Variants in HS3ST4 observed in about 807,000 individuals in gnomAD.
The protein encoded by HS3ST4 is heparan sulfate-glucosamine 3-sulfotransferase 4, also known as heparan sulfate glucosamine 3-O-sulfotransferase 4.
In HS3ST4, 17 loss-of-function variants were observed where a neutral mutation model predicts 29.2. The ratio of observed to expected loss-of-function variants is 0.58; its 90% CI spans 0.40 to 0.87. HS3ST4 has a LOEUF of 0.87. Ranked by LOEUF, HS3ST4 falls within the 40% of genes least tolerant of loss-of-function variation. HS3ST4 has a pLI of 0.00. For missense variants in HS3ST4, 627 were observed against 634.5 expected, an observed-to-expected ratio of 0.99 and a Z score of 0.13; for synonymous variants, 314 against 285.7, an observed-to-expected ratio of 1.10 and a Z score of -1.00.
At chr16:25,772,442 C>A (rs1966843795) in intron 1 of HS3ST4, among the ~76,000 whole-genome samples, 1 of 152,152 alleles carries the variant, frequency 6.6e-6, no homozygotes. Flanking sequence ...GTTACAGAGC[C>A]TCTCTGATCC....
chr16:25,860,735 G>A (rs1452771505), intron 1 of HS3ST4, among the ~76,000 whole-genome samples: 1 of 152,118 alleles, frequency 6.6e-6, no homozygotes, highest in Non-Finnish European at 1.5e-5. Context: ...TGAATAGGTG[G>A]AGCACAGGGT....
chr16:25,980,210 G>A (rs1412717725), intron 1 of HS3ST4, among the ~76,000 whole-genome samples: 2 of 152,166 alleles, frequency 1.3e-5, no homozygotes, highest in Admixed American at 1.3e-4. Context: ...GGCCCTGTGT[G>A]CAGCTTCATC....
At chr16:26,092,708 T>C (rs910783531) in intron 1 of HS3ST4, among the ~76,000 whole-genome samples, 9 of 152,160 alleles carry the variant, frequency 5.9e-5, no homozygotes, top group African/African-American at 2.2e-4. Context: ...CATTTCCAAC[T>C]GAGGCACCTG....
chr16:25,899,989 C>G (rs1968106675), intron 1 of HS3ST4, among the ~76,000 whole-genome samples: 2 of 152,310 alleles, frequency 1.3e-5, no homozygotes, highest in South Asian at 4.1e-4. Context: ...CAGCAACTTT[C>G]AAATTCCTGG....
chr16:25,818,965 C>T (rs191614209), intron 1 of HS3ST4, among the ~76,000 whole-genome samples: 10 of 152,256 alleles, frequency 6.6e-5, no homozygotes, highest in African/African-American at 2.2e-4. Context: ...GCAAACTTGT[C>T]AGGCATATAA....
At chr16:26,112,279 G>T (rs1175908073) in intron 1 of HS3ST4, among the ~76,000 whole-genome samples, 1 of 149,524 alleles carries the variant, frequency 6.7e-6, no homozygotes, top group Non-Finnish European at 1.5e-5. Context: ...TGTGTGTGGT[G>T]TCTTAAGACT....
At chr16:26,113,216 G>A (rs933474786) in intron 1 of HS3ST4, among the ~76,000 whole-genome samples, 1 of 152,134 alleles carries the variant, frequency 6.6e-6, no homozygotes, top group Non-Finnish European at 1.5e-5. Context: ...TAAACAATAT[G>A]TTGAGAAATA....
chr16:25,933,259 G>A, intron 1 of HS3ST4: 1 of 445,740 alleles, frequency 2.2e-6, no homozygotes, highest in South Asian at 1.6e-5. Context: ...CTTCACCACA[G>A]CCATTATTGA....
chr16:25,721,905 C>T (rs1966499040), intron 1 of HS3ST4, among the ~76,000 whole-genome samples: 1 of 152,122 alleles, frequency 6.6e-6, no homozygotes, highest in Non-Finnish European at 1.5e-5. Flanking sequence ...CCAAAATGTC[C>T]CTTCTCTGTG....
intron 1 of HS3ST4, among the ~76,000 whole-genome samples, chr16:26,051,880 GCCTCCCTCCCTC>G (rs60911157): frequency 0.029 from 1,830 of 63,004 alleles, 33 homozygotes; most frequent in African/African-American, 0.04. Context: ...CTCCCTCCCT[GCCTCCCTCCCTC>G]CCTCCCTCCC....
intron 1 of HS3ST4, among the ~76,000 whole-genome samples, chr16:25,791,464 A>G (rs1966868957): frequency 6.6e-6 from 1 of 152,104 alleles, no homozygotes; most frequent in Admixed American, 6.5e-5. Context: ...ATCCAATTTG[A>G]TTGGAATTAC....
At chr16:26,040,286 A>G (rs1436129984) in intron 1 of HS3ST4, among the ~76,000 whole-genome samples, 2 of 146,194 alleles carry the variant, frequency 1.4e-5, no homozygotes, top group African/African-American at 2.5e-5. Context: ...TGCTGTCAGT[A>G]TCTTTCTTTC....
rs1254404011 is a variant in HS3ST4 at position 26,135,863 on chromosome 16, G to A, written c.986G>A (p.Ser329Asn). The A allele has an allele frequency of 3.1e-6, 5 of 1,614,012 alleles. No individual in the cohort carries two copies. The highest frequency in any genetic ancestry group is 3.4e-6 in the Non-Finnish European group (4 of 1,179,866). The change falls in exon 2 of 2, where the codon AGT becomes AAT. Residue 329 changes from serine (S) to asparagine (N), a missense_variant. Physicochemically the swap from Ser to Asn is conservative, Grantham distance 46. Transcript: ENST00000331351. The stretch of plus-strand genomic sequence containing the variant: ...CTCGGGCTGATCGATGCTTCCTGGA[G>A]TGCCATTCGAATAGGGATCTATGCG... ...RTLGLIDASW[S>N]AIRIGIYALH...
At chr16:26,126,073 C>T (rs1356853931) in intron 1 of HS3ST4, among the ~76,000 whole-genome samples, 1 of 152,208 alleles carries the variant, frequency 6.6e-6, no homozygotes, top group East Asian at 1.9e-4. Flanking sequence ...AAGTCCTTTA[C>T]CAGTCATTAT....
chr16:25,991,094 A>C (rs1969109651), intron 1 of HS3ST4, among the ~76,000 whole-genome samples: 2 of 148,370 alleles, frequency 1.3e-5, no homozygotes, highest in South Asian at 2.1e-4. Context: ...ATCATCAATA[A>C]CATTGATACA....
rs1248590314 is a variant in HS3ST4, at chr16:25,939,306, TATTATTATTATTATTATTATTATC to T, written c.735-196282_735-196259del. Among the ~76,000 whole-genome samples, 569 of 87,740 alleles carry T rather than the reference TATTATTATTATTATTATTATTATC, an allele frequency of 6.5e-3. 3 individuals carry two copies. The highest frequency in any genetic ancestry group is 0.035 in the African/African-American group (535 of 15,398). The allele number at this position is 87,740 out of a possible 152,430, so 57.6% of individuals were successfully genotyped here. On this transcript the variant is annotated intron_variant, in intron 1 of 1. Coordinates refer to ENST00000331351, the MANE Select transcript of HS3ST4 (RefSeq NM_006040.3). Reference sequence around the variant, plus strand: ...TCAACTTTTAAATGCTGACAGCATTTATTATTATTATTATTATTATTATCATTATTATTATTATTATTATTATTG... The same window carrying T: ...TCAACTTTTAAATGCTGACAGCATTTATTATTATTATTATTATTATTATTG...
At chr16:26,039,129 A>G (rs1481420231) in intron 1 of HS3ST4, among the ~76,000 whole-genome samples, 1 of 152,184 alleles carries the variant, frequency 6.6e-6, no homozygotes. Context: ...GGGTACTGCC[A>G]TCATATTTTA....
intron 1 of HS3ST4, among the ~76,000 whole-genome samples, chr16:25,801,978 CTTTT>C (rs58964023): frequency 7.3e-6 from 1 of 137,244 alleles, no homozygotes. Flanking sequence ...CAAATATTTT[CTTTT>C]TTTTTTTTTG....
Position 25,812,845 on chromosome 16 carries a change from G to C in HS3ST4, c.734+119694G>C, listed in dbSNP as rs146282343. Among the ~76,000 whole-genome samples the C allele has an allele frequency of 2.0e-5, 3 of 152,246 alleles. No individual in the cohort carries two copies. The East Asian group carries it at 5.8e-4, about 29-fold the overall frequency. ...GTCTCTCGAGTAGCTGGGACTATAG[G>C]TGTGCACCACCTTGCCCAGCTGGTA... On this transcript the variant is annotated intron_variant, in intron 1 of 1. Transcript: ENST00000331351.
Sources: gnomAD v4.1 joint callset for allele counts (sites outside exome capture counted in the v4.1 genomes callset) on GRCh38, gnomAD v4.1.1 for gene constraint, MANE v1.5 for transcripts, NCBI Gene and HGNC (gene_info 2026-07-23, HGNC 2026-07-21) for gene names.